The following FAF1 variants were observed in gnomAD, a reference collection of about 807,000 sequenced individuals.
FAF1 encodes FAS-associated factor 1.
FAF1 carries 25 observed loss-of-function variants against 92.5 expected under a neutral mutation model. That is an observed-to-expected ratio of 0.27 (90% CI 0.20 to 0.38). The LOEUF (loss-of-function observed/expected upper bound fraction) is 0.38, where lower values mean the gene tolerates loss of function less well. Among genes scored for constraint, FAF1 ranks in the 10% least tolerant of loss-of-function variants. The probability of loss-of-function intolerance (pLI) is 1.00; values close to 1 mark genes in which losing one functional copy is unlikely to be tolerated. For missense variants in FAF1, 636 were observed against 793.3 expected (o/e 0.80, Z 2.38); for synonymous variants, 234 against 273.2 (o/e 0.86, Z 1.42).
intron 7 of FAF1, among the ~76,000 whole-genome samples, chr1:50,677,321 T>A (rs1217954935): frequency 1.3e-5 from 2 of 152,170 alleles, no homozygotes. Flanking sequence ...GTAACACTTT[T>A]TTGAGGAGCA....
chr1:50,666,127 A>G (rs906866447), intron 7 of FAF1, among the ~76,000 whole-genome samples: 4 of 148,176 alleles, frequency 2.7e-5, no homozygotes, highest in Non-Finnish European at 6.0e-5. Flanking sequence ...GTGAGCCCAG[A>G]TCAAAAAAAA....
intron 8 of FAF1, among the ~76,000 whole-genome samples, chr1:50,624,393 C>T (rs1006960814): frequency 1.3e-5 from 2 of 152,098 alleles, no homozygotes; most frequent in Non-Finnish European, 2.9e-5. Context: ...GTGATCTGCC[C>T]GCCTCGGCCT....
intron 3 of FAF1, among the ~76,000 whole-genome samples, chr1:50,794,591 T>C (rs1187515442): frequency 6.6e-6 from 1 of 152,208 alleles, no homozygotes; most frequent in Non-Finnish European, 1.5e-5. Flanking sequence ...AAACAGATCC[T>C]TTAGAATGCA....
intron 1 of FAF1, among the ~76,000 whole-genome samples, chr1:50,919,081 T>C (rs189011233): frequency 2.3e-4 from 35 of 152,366 alleles, no homozygotes; most frequent in Non-Finnish European, 3.4e-4. Context: ...TCAGGAATGT[T>C]ATTTCCTTAA....
chr1:50,889,755 T>C (rs1299875145), intron 1 of FAF1, among the ~76,000 whole-genome samples: 1 of 152,244 alleles, frequency 6.6e-6, no homozygotes, highest in Non-Finnish European at 1.5e-5. Context: ...TCTGTTCTTT[T>C]ACATTTGCTG....
intron 8 of FAF1, among the ~76,000 whole-genome samples, chr1:50,631,577 T>A (rs1314122039): frequency 6.6e-6 from 1 of 152,176 alleles, no homozygotes; most frequent in Non-Finnish European, 1.5e-5. Context: ...TTCCTTTAAG[T>A]GAAAAGGAGA....
chr1:50,679,706 T>A (rs1656338889), intron 7 of FAF1, among the ~76,000 whole-genome samples: 1 of 152,218 alleles, frequency 6.6e-6, no homozygotes, highest in Non-Finnish European at 1.5e-5. Flanking sequence ...GTAGTTAAAA[T>A]GTAAAGCACA....
At chr1:50,490,990 C>T (rs1646832829) in intron 16 of FAF1, among the ~76,000 whole-genome samples, 1 of 152,102 alleles carries the variant, frequency 6.6e-6, no homozygotes, top group Non-Finnish European at 1.5e-5. Flanking sequence ...CTACCCTGTA[C>T]CCAAATCTAA....
At chr1:50,689,998 T>C (rs868194473) in intron 7 of FAF1, among the ~76,000 whole-genome samples, 48 of 146,634 alleles carry the variant, frequency 3.3e-4, no homozygotes, top group African/African-American at 1.2e-3. Context: ...TATTTCTTTT[T>C]TTTTTTTTTT....
chr1:50,625,591 G>A (rs1252647971), intron 8 of FAF1, among the ~76,000 whole-genome samples: 1 of 152,158 alleles, frequency 6.6e-6, no homozygotes, highest in Admixed American at 6.6e-5. Flanking sequence ...TAATTAAAGA[G>A]GAGGGTAGGC....
At chr1:50,636,804 CCAA>C (rs1654034657) in intron 8 of FAF1, among the ~76,000 whole-genome samples, 1 of 152,084 alleles carries the variant, frequency 6.6e-6, no homozygotes, top group South Asian at 2.1e-4. Flanking sequence ...TATATTTTCT[CCAA>C]CAAGTTTAAT....
chr1:50,905,324 G>T (rs1644827838), intron 1 of FAF1, among the ~76,000 whole-genome samples: 1 of 152,102 alleles, frequency 6.6e-6, no homozygotes, highest in Non-Finnish European at 1.5e-5. Flanking sequence ...CTTTGCTATT[G>T]TGAATAGTGC....
intron 1 of FAF1, among the ~76,000 whole-genome samples, chr1:50,905,326 G>A (rs573014576): frequency 2.6e-5 from 4 of 152,110 alleles, no homozygotes; most frequent in Non-Finnish European, 5.9e-5. Context: ...TTGCTATTGT[G>A]AATAGTGCCG....
At chr1:50,473,106 T>C (rs931208240) in intron 18 of FAF1, among the ~76,000 whole-genome samples, 7 of 152,164 alleles carry the variant, frequency 4.6e-5, no homozygotes, top group Non-Finnish European at 8.8e-5. Flanking sequence ...TGCTTATATA[T>C]GAAGCACTAT....
intron 18 of FAF1, among the ~76,000 whole-genome samples, chr1:50,445,823 G>GA: frequency 6.6e-6 from 1 of 152,310 alleles, no homozygotes; most frequent in South Asian, 2.1e-4. Context: ...TAGAAAACCT[G>GA]AATGGATATA....
At chr1:50,561,832 C>T (rs907053236) in intron 13 of FAF1, among the ~76,000 whole-genome samples, 9 of 141,312 alleles carry the variant, frequency 6.4e-5, no homozygotes, top group South Asian at 2.3e-4. Context: ...CTAGGACAGA[C>T]GGATGGACGG....
intron 7 of FAF1, among the ~76,000 whole-genome samples, chr1:50,697,600 T>C (rs1479701923): frequency 6.6e-6 from 1 of 152,156 alleles, no homozygotes. Flanking sequence ...ACAAGACTCA[T>C]GGAAAAGTCA....
intron 1 of FAF1, among the ~76,000 whole-genome samples, chr1:50,884,850 G>A (rs932450388): frequency 6.6e-6 from 1 of 151,886 alleles, no homozygotes; most frequent in Non-Finnish European, 1.5e-5. Context: ...ATTGGTATTC[G>A]TTCTTCTTTA....
rs567764473 is a variant in FAF1 at position 50,806,823 on chromosome 1, T to C, written c.115-5146A>G. On this transcript the variant is annotated intron_variant, in intron 2 of 18. Coordinates refer to ENST00000396153, the MANE Select transcript of FAF1 (RefSeq NM_007051.3). ...AAGTGACTTCACTGAACTCACCTTA[T>C]ACTACAATTAAACCTCCAAATGCAT... Among the ~76,000 whole-genome samples, 4 of 152,322 alleles carry C rather than the reference T, an allele frequency of 2.6e-5. No individual in the cohort carries two copies. In the East Asian group the frequency reaches 7.7e-4, roughly 29 times the overall value.
Sources: gnomAD v4.1 joint callset for allele counts (sites outside exome capture counted in the v4.1 genomes callset) on GRCh38, gnomAD v4.1.1 for gene constraint, MANE v1.5 for transcripts, NCBI Gene and HGNC (gene_info 2026-07-23, HGNC 2026-07-21) for gene names.